HDAC9: variants seen among roughly 807,000 people sequenced by gnomAD.
HDAC9 encodes the protein histone deacetylase 9, also known as MEF-2 interacting transcription repressor (MITR) protein.
HDAC9 carries 41 observed loss-of-function variants against 139.4 expected under a neutral mutation model. The ratio of observed to expected loss-of-function variants is 0.29; its 90% CI spans 0.23 to 0.38. The LOEUF is 0.38. HDAC9 is among the 10% of genes least tolerant of loss of function. The pLI, the probability that HDAC9 is intolerant of heterozygous loss-of-function variation, is 1.00. For missense variants in HDAC9, 1,147 were observed against 1,297.0 expected (o/e 0.88, Z 1.78); for synonymous variants, 517 against 476.2 (o/e 1.09, Z -1.12).
At chr7:18,574,508 T>C (rs1379662616) in intron 2 of HDAC9, among the ~76,000 whole-genome samples, 1 of 152,208 alleles carries the variant, frequency 6.6e-6, no homozygotes, top group Admixed American at 6.5e-5. Flanking sequence ...CCCCAGGATT[T>C]TGGCTGTCCC....
At chr7:18,970,980 G>A (rs373082268) in intron 24 of HDAC9, among the ~76,000 whole-genome samples, 1 of 152,214 alleles carries the variant, frequency 6.6e-6, no homozygotes. Flanking sequence ...GTCAACAACT[G>A]CCTATTTTTC....
At chr7:18,921,810 A>G (rs1032486736) in intron 22 of HDAC9, among the ~76,000 whole-genome samples, 2 of 152,144 alleles carry the variant, frequency 1.3e-5, no homozygotes, top group African/African-American at 2.4e-5. Flanking sequence ...TCACAATAGC[A>G]AAGACTTGGA....
At chr7:18,111,262 T>C (rs1362672370) in intron 1 of HDAC9, among the ~76,000 whole-genome samples, 2 of 152,160 alleles carry the variant, frequency 1.3e-5, no homozygotes, top group East Asian at 1.9e-4. Context: ...CTTAGCAAAA[T>C]AGTTTGGTCT....
chr7:18,841,748 G>A (rs887867272), intron 21 of HDAC9, among the ~76,000 whole-genome samples: 1 of 152,040 alleles, frequency 6.6e-6, no homozygotes, highest in Non-Finnish European at 1.5e-5. Flanking sequence ...AAACTGGTAA[G>A]TGCCCCAAAA....
At chr7:18,286,162 G>A (rs754332090), upstream of HDAC9, among the ~76,000 whole-genome samples, 1 of 151,952 alleles carries the variant, frequency 6.6e-6, no homozygotes, top group Non-Finnish European at 1.5e-5. Flanking sequence ...AAGAACTCAA[G>A]CTCTAGTCAG....
At chr7:18,217,722 TTC>T (rs1488715755) in intron 2 of HDAC9, among the ~76,000 whole-genome samples, 1 of 152,246 alleles carries the variant, frequency 6.6e-6, no homozygotes, top group African/African-American at 2.4e-5. Context: ...TGGCAGTTTA[TTC>T]TCTGATTTTA....
chr7:18,090,293 T>C (rs562866197), intron 1 of HDAC9, among the ~76,000 whole-genome samples: 1 of 152,316 alleles, frequency 6.6e-6, no homozygotes, highest in Non-Finnish European at 1.5e-5. Flanking sequence ...TTTATGTATT[T>C]CTAGATTTTT....
intron 2 of HDAC9, among the ~76,000 whole-genome samples, chr7:18,178,454 A>G (rs1392305336): frequency 6.6e-6 from 1 of 152,144 alleles, no homozygotes; most frequent in African/African-American, 2.4e-5. Context: ...CATTGTTTGC[A>G]AGACTTGTGG....
chr7:18,577,621 C>T (rs1223251470), intron 2 of HDAC9, among the ~76,000 whole-genome samples: 1 of 152,116 alleles, frequency 6.6e-6, no homozygotes, highest in African/African-American at 2.4e-5. Context: ...CAAGCAGGGA[C>T]CACATTATAC....
At chr7:18,343,359 A>C (rs1472706931) in intron 1 of HDAC9, among the ~76,000 whole-genome samples, 2 of 151,864 alleles carry the variant, frequency 1.3e-5, no homozygotes, top group Non-Finnish European at 2.9e-5. Context: ...TGGTATTTAA[A>C]ATGTCCAAGG....
In HDAC9 at chr7:18,799,156, C is replaced by T. The variant is rs114230651; in HGVS notation, c.2322+5704C>T. Among the ~76,000 whole-genome samples the T allele has an allele frequency of 5.9e-3, 888 of 151,382 alleles. 14 individuals carry two copies. Among genetic ancestry groups the T allele is most frequent in the African/African-American group, 0.021 (848 of 41,182 alleles). On this transcript the variant is annotated intron_variant, in intron 17 of 25. Transcript: ENST00000686413. ...TAAGCATTAAAAGAAATATATTTAT[C>T]CAATCATTGACTGACCACTAAGCTA...
intron 17 of HDAC9, among the ~76,000 whole-genome samples, chr7:18,827,501 TC>T (rs1795541872): frequency 6.6e-6 from 1 of 152,186 alleles, no homozygotes; most frequent in Admixed American, 6.5e-5. Context: ...CCCTCCATTG[TC>T]AGCATAGAAC....
At chr7:18,868,092 T>C (rs75906404) in intron 21 of HDAC9, among the ~76,000 whole-genome samples, 2,174 of 152,344 alleles carry the variant, frequency 0.014, 59 homozygotes, top group African/African-American at 0.048. Flanking sequence ...GAGTCTTCTA[T>C]GTATATGTTT....
chr7:18,270,902 C>T (rs1432740030), intron 2 of HDAC9, among the ~76,000 whole-genome samples: 1 of 151,962 alleles, frequency 6.6e-6, no homozygotes, highest in Non-Finnish European at 1.5e-5. Context: ...AACAAGTTAA[C>T]AAAATTTTCC....
Position 18,837,585 on chromosome 7 carries a change from A to G in HDAC9, c.2684+1588A>G, listed in dbSNP as rs1242708732. Among the ~76,000 whole-genome samples, 10 of 152,192 alleles carry G rather than the reference A, an allele frequency of 6.6e-5. No individual in the cohort carries two copies. In the East Asian group the frequency reaches 1.9e-3, roughly 29 times the overall value. On this transcript the variant is annotated intron_variant, in intron 21 of 25. Transcript: ENST00000686413. ...CTTACTATCTCATATAATCATATCC[A>G]TTATCTTTGATGCAGAATTCATAGA...
intron 16 of HDAC9, among the ~76,000 whole-genome samples, chr7:18,773,977 A>G (rs116559920): frequency 3.2e-3 from 484 of 149,870 alleles, no homozygotes; most frequent in African/African-American, 0.011. Flanking sequence ...AACTTTCATT[A>G]ATGGAGAACA....
At position 18,127,709 on chromosome 7, in the gene HDAC9, T is replaced by A. The variant is rs572531086; in HGVS notation, c.-96-34520T>A. Reference sequence around the variant, plus strand: ...GCAGGGTAACTCTAGAGGCCAAAATTTTTAGACCCTGTGCAAAGAAAAAGA... The same window carrying A: ...GCAGGGTAACTCTAGAGGCCAAAATATTTAGACCCTGTGCAAAGAAAAAGA... On this transcript the variant is annotated intron_variant, in intron 1 of 12. Transcript: ENST00000417496. 3.1e-4 allele frequency among the ~76,000 whole-genome samples: 47 copies of A among 152,224 alleles called. 1 individual carries two copies. The South Asian group carries it at 9.3e-3, about 30-fold the overall frequency.
At chr7:18,936,051 C>G (rs1585351396) in intron 23 of HDAC9, 109 bp downstream of exon 23, 1 of 1,026,168 alleles carries the variant, frequency 9.7e-7, no homozygotes, top group East Asian at 2.4e-5. Context: ...TAACATTGCT[C>G]TTACCATTAA....
In HDAC9 at chr7:18,484,334, A is replaced by T. The variant is rs527328624; in HGVS notation, c.-41-11928A>T. 2.7e-5 allele frequency among the ~76,000 whole-genome samples: 4 copies of T among 145,714 alleles called. No homozygotes were observed. The East Asian group carries it at 7.9e-4, about 29-fold the overall frequency. On this transcript the variant is annotated intron_variant, in intron 1 of 3. Transcript: ENST00000413509. ...TGGGTGACAGAGCAAGATCCTATTA[A>T]AAAAAAAAAAAGTAAATGTCTATAG... is the stretch of plus-strand genomic sequence containing the variant.
Sources: allele counts gnomAD v4.1 joint callset (sites outside exome capture counted in the v4.1 genomes callset), GRCh38; gene constraint gnomAD v4.1.1; transcripts MANE v1.5; gene names NCBI Gene and HGNC (gene_info 2026-07-23, HGNC 2026-07-21).